ADCY8: variants seen among roughly 807,000 people sequenced by gnomAD.
ADCY8 encodes adenylate cyclase type 8.
Under a neutral mutation model 119.7 loss-of-function variants are expected in ADCY8, and 51 were observed. The ratio of observed to expected loss-of-function variants is 0.43; its 90% CI spans 0.34 to 0.54. ADCY8 has a LOEUF of 0.54. Among genes scored for constraint, ADCY8 ranks in the 20% least tolerant of loss-of-function variants. The pLI, the probability that ADCY8 is intolerant of heterozygous loss-of-function variation, is 0.03. For synonymous variants in ADCY8, 665 were observed against 651.0 expected (o/e 1.02, Z -0.33); for missense variants, 1,383 against 1,598.8 (o/e 0.87, Z 2.30).
chr8:130,859,205 A>G (rs1036433240), intron 9 of ADCY8, among the ~76,000 whole-genome samples: 29 of 152,206 alleles, frequency 1.9e-4, no homozygotes, highest in African/African-American at 6.8e-4. Flanking sequence ...ACATATCTAT[A>G]AATATTCCTA....
intron 2 of ADCY8, among the ~76,000 whole-genome samples, chr8:130,971,126 A>G (rs1478183092): frequency 2.0e-5 from 3 of 152,198 alleles, no homozygotes; most frequent in African/African-American, 7.2e-5. Context: ...TAGGAGCCCA[A>G]TAAACCCTTG....
chr8:131,012,171 T>G lies in ADCY8; in HGVS notation c.961-21629A>C, dbSNP rs534835958. Among the ~76,000 whole-genome samples, 9 of 152,292 alleles carry G rather than the reference T, an allele frequency of 5.9e-5. No individual in the cohort carries two copies. The South Asian group carries it at 1.9e-3, about 32-fold the overall frequency. ...TGAACTCTAAACCATGACTTTCACCTGAGCATGTTGGGTTCTTCATGTCAA... is the reference window on the plus strand; with the variant it reads ...TGAACTCTAAACCATGACTTTCACCGGAGCATGTTGGGTTCTTCATGTCAA... On this transcript the variant is annotated intron_variant, in intron 1 of 17. Coordinates refer to ENST00000286355, the MANE Select transcript of ADCY8 (RefSeq NM_001115.3).
intron 8 of ADCY8, among the ~76,000 whole-genome samples, chr8:130,869,519 T>TTG (rs1563702679): frequency 5.8e-4 from 20 of 34,658 alleles, no homozygotes; most frequent in African/African-American, 2.5e-3. Flanking sequence ...TTTTTTTTTG[T>TTG]TTTTTTGTTT....
chr8:130,967,637 G>A (rs796235034), intron 2 of ADCY8, among the ~76,000 whole-genome samples: 47 of 152,242 alleles, frequency 3.1e-4, no homozygotes, highest in African/African-American at 1.1e-3. Flanking sequence ...TATATTCCAT[G>A]GATATGGTAT....
intron 11 of ADCY8, among the ~76,000 whole-genome samples, chr8:130,842,420 A>T (rs1346755316): frequency 6.6e-6 from 1 of 152,148 alleles, no homozygotes; most frequent in Non-Finnish European, 1.5e-5. Context: ...CCAATTACAC[A>T]TATAGTATGC....
chr8:130,797,790 C>T (rs1033869281), intron 15 of ADCY8, among the ~76,000 whole-genome samples: 12 of 152,196 alleles, frequency 7.9e-5, no homozygotes, highest in Admixed American at 7.9e-4. Context: ...CCTTGGGAGG[C>T]AAGAAGTGAT....
chr8:130,954,351 G>A (rs911293355), intron 2 of ADCY8, among the ~76,000 whole-genome samples: 2 of 151,982 alleles, frequency 1.3e-5, no homozygotes, highest in African/African-American at 4.8e-5. Context: ...TTCATTCACA[G>A]GACCTAGTTA....
intron 5 of ADCY8, among the ~76,000 whole-genome samples, chr8:130,921,387 A>G (rs1291827856): frequency 2.0e-5 from 3 of 151,496 alleles, no homozygotes; most frequent in Admixed American, 1.3e-4. Flanking sequence ...AGCATTTTTC[A>G]TGCCATTGAA....
At position 130,951,906 on chromosome 8, in the gene ADCY8, C is replaced by G. The variant is rs749189912; in HGVS notation, c.1203G>C (p.Gln401His). 2 of 1,614,082 alleles carry G rather than the reference C, an allele frequency of 1.2e-6. No homozygotes were observed. The highest frequency in any genetic ancestry group is 1.7e-6 in the Non-Finnish European group (2 of 1,180,000). ...AGCGATGGATGTAGATCCGATGGAA[C>G]TGGTGCTGCAGGTGCTCATCTTCCA... Reference protein sequence around the residue: ...TNVEDEHLQHQFHRIYIHRYE... With the variant: ...TNVEDEHLQHHFHRIYIHRYE... Residue 401 changes from glutamine to histidine, a missense_variant, in exon 3 of 18, where the codon CAG (glutamine) becomes CAC (histidine). Gln to His is a conservative substitution (Grantham distance 24). Around this residue, in one of 2 missense-constraint regions of ADCY8, gnomAD observed 928 missense variants for 1,163.5 expected, o/e 0.80. Coordinates refer to ENST00000286355, the MANE Select transcript of ADCY8 (RefSeq NM_001115.3).
At chr8:131,034,948 C>T (rs1431769722) in intron 1 of ADCY8, among the ~76,000 whole-genome samples, 1 of 152,058 alleles carries the variant, frequency 6.6e-6, no homozygotes, top group Non-Finnish European at 1.5e-5. Context: ...TTATTGTCAC[C>T]AGCAATTAAA....
chr8:130,974,436 GT>G (rs1822011607), intron 2 of ADCY8, among the ~76,000 whole-genome samples: 2 of 152,184 alleles, frequency 1.3e-5, no homozygotes, highest in East Asian at 3.8e-4. Context: ...TTAAATTGGA[GT>G]TTGTGACACA....
At chr8:130,841,235 C>T (rs1305921351) in intron 11 of ADCY8, among the ~76,000 whole-genome samples, 1 of 152,154 alleles carries the variant, frequency 6.6e-6, no homozygotes, top group Non-Finnish European at 1.5e-5. Context: ...TTATGTGTTT[C>T]ATCTCATTTA....
intron 15 of ADCY8, among the ~76,000 whole-genome samples, chr8:130,792,304 C>T (rs1815448483): frequency 6.6e-6 from 1 of 152,204 alleles, no homozygotes; most frequent in African/African-American, 2.4e-5. Flanking sequence ...ATAGGTGAGC[C>T]TCAGGGCTCA....
At chr8:130,832,955 C>T (rs1816882651) in intron 12 of ADCY8, among the ~76,000 whole-genome samples, 1 of 152,198 alleles carries the variant, frequency 6.6e-6, no homozygotes. Flanking sequence ...AAAGACCCAG[C>T]TTATTCCGTT....
chr8:131,034,668 A>T (rs1310361577), intron 1 of ADCY8, among the ~76,000 whole-genome samples: 2 of 152,112 alleles, frequency 1.3e-5, no homozygotes, highest in Non-Finnish European at 2.9e-5. Context: ...GGATTTGCAT[A>T]TCTGACTGCC....
intron 2 of ADCY8, among the ~76,000 whole-genome samples, chr8:130,984,817 G>A (rs1397505014): frequency 1.3e-5 from 2 of 152,126 alleles, no homozygotes; most frequent in Non-Finnish European, 2.9e-5. Flanking sequence ...TGAACAGGCC[G>A]AGCTGGTGAT....
In ADCY8 at chr8:130,904,022, G is replaced by T. The variant is rs1311396788; in HGVS notation, c.1661C>A (p.Ala554Asp). ...GTCACCGTTGAGACAGTCCAGCGTG[G>T]CTTTGGAAATGTGAATCCTCCTGTG... is the stretch of plus-strand genomic sequence containing the variant. ...GIPGRIHISK[A>D]TLDCLNGDYN... Residue 554 changes from alanine (A) to aspartate (D), a missense_variant, in exon 7 of 18, where the codon GCC becomes GAC. Transcript: ENST00000286355. The T allele has an allele frequency of 1.9e-6, 3 of 1,612,910 alleles. No homozygotes were observed. The highest frequency in any genetic ancestry group is 2.5e-6 in the Non-Finnish European group (3 of 1,179,160).
At chr8:130,852,892 C>T (rs565510349) in intron 9 of ADCY8, among the ~76,000 whole-genome samples, 2 of 152,338 alleles carry the variant, frequency 1.3e-5, no homozygotes, top group African/African-American at 4.8e-5. Context: ...TCTTCCATGA[C>T]ACCTGGCATA....
chr8:130,857,575 A>G (rs1234396456), intron 9 of ADCY8, among the ~76,000 whole-genome samples: 3 of 152,122 alleles, frequency 2.0e-5, no homozygotes, highest in Non-Finnish European at 2.9e-5. Context: ...ATTCCTGAAA[A>G]TTGGAAGCTG....
Sources: gnomAD v4.1 joint callset for allele counts (sites outside exome capture counted in the v4.1 genomes callset) on GRCh38, gnomAD v4.1.1 for gene constraint, gnomAD v4.1.1 regional missense constraint, MANE v1.5 for transcripts, NCBI Gene and HGNC (gene_info 2026-07-23, HGNC 2026-07-21) for gene names.